The following KIAA1217 variants were observed in gnomAD, a reference collection of about 807,000 sequenced individuals.
KIAA1217 encodes the protein KIAA1217.
Under a neutral mutation model 163.9 loss-of-function variants are expected in KIAA1217, and 88 were observed. The observed-to-expected ratio is 0.54, with a 90% confidence interval of 0.45 to 0.64. The LOEUF (loss-of-function observed/expected upper bound fraction) is 0.64. Ranked by LOEUF, KIAA1217 falls within the 30% of genes least tolerant of loss-of-function variation. The pLI, the probability that KIAA1217 is intolerant of heterozygous loss-of-function variation, is 0.00. For synonymous variants in KIAA1217, 903 were observed against 923.1 expected (o/e 0.98, Z 0.39); for missense variants, 2,372 against 2,475.0 (o/e 0.96, Z 0.88).
At chr10:23,852,699 G>A (rs956643404) in intron 1 of KIAA1217, among the ~76,000 whole-genome samples, 3 of 152,040 alleles carry the variant, frequency 2.0e-5, no homozygotes, top group Non-Finnish European at 4.4e-5. Flanking sequence ...ATTGAGCAGT[G>A]GTTTGTAGTT....
intron 2 of KIAA1217, among the ~76,000 whole-genome samples, chr10:24,049,030 CAAAAA>C (rs59235039): frequency 3.5e-5 from 3 of 86,182 alleles, no homozygotes; most frequent in African/African-American, 4.4e-5. Flanking sequence ...TACTCTGTCT[CAAAAA>C]AAAAAAAAAA....
intron 10 of KIAA1217, among the ~76,000 whole-genome samples, chr10:24,515,211 G>T (rs998392909): frequency 6.6e-6 from 1 of 151,566 alleles, no homozygotes; most frequent in Non-Finnish European, 1.5e-5. Context: ...GGGATTACAG[G>T]TGCACACCAT....
intron 1 of KIAA1217, among the ~76,000 whole-genome samples, chr10:23,837,609 T>C (rs1211849324): frequency 6.6e-6 from 1 of 152,090 alleles, no homozygotes; most frequent in African/African-American, 2.4e-5. Flanking sequence ...TCATGGCTCA[T>C]TGCAGCCTCA....
chr10:24,370,497 A>G (rs1261659125), intron 2 of KIAA1217, among the ~76,000 whole-genome samples: 1 of 152,194 alleles, frequency 6.6e-6, no homozygotes, highest in African/African-American at 2.4e-5. Context: ...ATTGTGAAAG[A>G]AACATTGTTC....
At chr10:23,711,255 G>A (rs533682304) in intron 1 of KIAA1217, among the ~76,000 whole-genome samples, 7 of 152,276 alleles carry the variant, frequency 4.6e-5, no homozygotes, top group African/African-American at 7.2e-5. Context: ...TTTTACCTCC[G>A]AAAGCAAAAG....
rs374086604 is a variant in KIAA1217 at position 24,513,359 on chromosome 10, A to T, written c.2102A>T (p.Gln701Leu). The change falls in exon 10 of 21, where the codon CAG becomes CTG. Residue 701 changes from glutamine (Q) to leucine (L), a missense_variant. Physicochemically the swap from Gln to Leu is moderately radical, Grantham distance 113. This residue lies in a region of KIAA1217 where 1,431 missense variants were observed against 1,470.3 expected (regional missense o/e 0.97). Coordinates refer to ENST00000376454, the MANE Select transcript of KIAA1217 (RefSeq NM_019590.5). ...ETMKRLEDPV[Q>L]RQRVLVEQER... ...ATGAAGAGACTGGAGGATCCCGTGC[A>T]GCGACAGCGCGTCCTAGTGGAGCAA... 7 of 1,614,126 alleles carry T rather than the reference A, an allele frequency of 4.3e-6. No homozygotes were observed. Among genetic ancestry groups the T allele is most frequent in the Non-Finnish European group, 5.9e-6 (7 of 1,180,044 alleles).
chr10:24,066,661 G>A (rs2060961054), intron 2 of KIAA1217, among the ~76,000 whole-genome samples: 1 of 152,078 alleles, frequency 6.6e-6, no homozygotes, highest in Non-Finnish European at 1.5e-5. Context: ...GTGGCATTCT[G>A]TGTATTTCTT....
At chr10:24,215,455 C>T (rs546373947) in intron 1 of KIAA1217, among the ~76,000 whole-genome samples, 1 of 152,146 alleles carries the variant, frequency 6.6e-6, no homozygotes, top group Non-Finnish European at 1.5e-5. Context: ...AACAAGAAAT[C>T]GAATTGTATT....
At chr10:24,046,545 A>T (rs1007459315) in intron 2 of KIAA1217, among the ~76,000 whole-genome samples, 3 of 152,286 alleles carry the variant, frequency 2.0e-5, no homozygotes, top group Admixed American at 1.3e-4. Context: ...AGCACATCTT[A>T]CCATGGTGAA....
chr10:23,818,332 T>TATATATATATAAAAAATATATATATA (rs1564448539), intron 1 of KIAA1217, among the ~76,000 whole-genome samples: 16 of 123,272 alleles, frequency 1.3e-4, no homozygotes, highest in Admixed American at 2.7e-4. Context: ...TATATATATT[T>TATATATATATAAAAAATATATATATA]TATATATATA....
At chr10:23,860,111 T>C (rs1455171821) in intron 1 of KIAA1217, among the ~76,000 whole-genome samples, 3 of 152,106 alleles carry the variant, frequency 2.0e-5, no homozygotes, top group Admixed American at 6.6e-5. Context: ...TTCCATGGCC[T>C]CCTCTTCAGA....
chr10:24,343,245 A>C (rs556950807), intron 2 of KIAA1217, among the ~76,000 whole-genome samples: 1 of 152,340 alleles, frequency 6.6e-6, no homozygotes, highest in East Asian at 1.9e-4. Context: ...GATATATATA[A>C]TATTCTGCAA....
chr10:24,539,217 T>C (rs1315418232), intron 17 of KIAA1217, among the ~76,000 whole-genome samples: 1 of 151,984 alleles, frequency 6.6e-6, no homozygotes. Flanking sequence ...CATTGTAGAA[T>C]TTTTCTTTTC....
chr10:24,063,253 T>A (rs1258818443), intron 2 of KIAA1217, among the ~76,000 whole-genome samples: 2 of 152,224 alleles, frequency 1.3e-5, no homozygotes, highest in Non-Finnish European at 2.9e-5. Flanking sequence ...GGTTTTCTTC[T>A]AGGGTTTTTA....
rs572345094 is a variant in KIAA1217, at chr10:24,070,657, G to A, written c.-171+63283G>A. Among the ~76,000 whole-genome samples the A allele has an allele frequency of 4.1e-4, 63 of 152,302 alleles. 1 individual carries two copies. The highest frequency in any genetic ancestry group is 1.4e-3 in the African/African-American group (58 of 41,572). On this transcript the variant is annotated intron_variant, in intron 2 of 18. Transcript: ENST00000376462. ...AGTTAAAAGTCTCAGGGTCAAATCT[G>A]ATAGTTGTAACCTATTTTCCCACTG... is the stretch of plus-strand genomic sequence containing the variant.
At chr10:24,271,558 G>A (rs1295718084) in intron 2 of KIAA1217, among the ~76,000 whole-genome samples, 1 of 152,016 alleles carries the variant, frequency 6.6e-6, no homozygotes, top group Non-Finnish European at 1.5e-5. Context: ...CAAGACCAGC[G>A]TGGGCAACGT....
At chr10:24,218,800 C>T (rs1056544922) in intron 1 of KIAA1217, among the ~76,000 whole-genome samples, 7 of 152,038 alleles carry the variant, frequency 4.6e-5, no homozygotes, top group Non-Finnish European at 1.0e-4. Context: ...TCGATTGTTA[C>T]TTCTGATGGT....
At chr10:24,199,826 A>G (rs1189393502) in intron 2 of KIAA1217, among the ~76,000 whole-genome samples, 1 of 152,222 alleles carries the variant, frequency 6.6e-6, no homozygotes, top group Non-Finnish European at 1.5e-5. Flanking sequence ...AGAAATAGAC[A>G]TACTAATAAC....
intron 2 of KIAA1217, among the ~76,000 whole-genome samples, chr10:24,267,446 A>G (rs1480884956): frequency 6.6e-6 from 1 of 152,198 alleles, no homozygotes; most frequent in East Asian, 1.9e-4. Flanking sequence ...CTATCCATCT[A>G]TCTGTATCTG....
Sources: gnomAD v4.1 joint callset for allele counts (sites outside exome capture counted in the v4.1 genomes callset) on GRCh38, gnomAD v4.1.1 for gene constraint, gnomAD v4.1.1 regional missense constraint, MANE v1.5 for transcripts, NCBI Gene and HGNC (gene_info 2026-07-23, HGNC 2026-07-21) for gene names.